TYSND1: variants seen among roughly 807,000 people sequenced by gnomAD.
TYSND1 encodes peroxisomal leader peptide-processing protease.
TYSND1 carries 30 observed loss-of-function variants against 37.2 expected under a neutral mutation model. That is an observed-to-expected ratio of 0.81 (90% CI 0.60 to 1.09). The LOEUF (loss-of-function observed/expected upper bound fraction) is 1.09. Among genes scored for constraint, TYSND1 ranks in the 50% least tolerant of loss-of-function variants. TYSND1 has a pLI of 0.00. For synonymous variants in TYSND1, 364 were observed against 383.8 expected, an observed-to-expected ratio of 0.95 and a Z score of 0.60; for missense variants, 806 against 817.4, an observed-to-expected ratio of 0.99 and a Z score of 0.17.
intron 3 of TYSND1, among the ~76,000 whole-genome samples, chr10:70,141,108 C>T (rs567788769): frequency 1.3e-5 from 2 of 151,768 alleles, no homozygotes; most frequent in Admixed American, 6.6e-5. Flanking sequence ...CCTCAGCCTC[C>T]CTAAAATATT....
chr10:70,145,992 C>A lies in TYSND1; in HGVS notation c.595G>T (p.Glu199Ter). The change falls in exon 1 of 4, where the codon GAG (glutamate) becomes TAG (stop). Residue 199 changes from glutamate (E) to a stop codon, truncating the protein, a stop_gained. Transcript: ENST00000287078. LOFTEE classifies it high-confidence loss of function. ...GVRLGQEEVEEERGPAMAVSP... is the reference protein window; with the variant it reads ...GVRLGQEEVE ...ACCGCCATGGCTGGCCCGCGCTCCT[C>A]CTCCACCTCCTCCTGGCCTAGCCGC... The A allele has an allele frequency of 1.3e-6, 2 of 1,581,416 alleles. No individual in the cohort carries two copies. The highest frequency in any genetic ancestry group is 2.4e-5 in the East Asian group (1 of 42,446).
chr10:70,146,566 A>AGACCCCCACTGCCTTCTCATGGCC lies in TYSND1; in HGVS notation c.-4_20dup (p.Arg3_Arg10dup). On this transcript the variant is annotated inframe_insertion, in exon 1 of 4. Coordinates refer to ENST00000287078, the MANE Select transcript of TYSND1 (RefSeq NM_173555.4). Reference sequence around the variant, plus strand: ...CCGCCTGCTCGGCCGCCCTCATGGCAGACCCCCACTGCCTTCTCATGGCCT... The same window carrying AGACCCCCACTGCCTTCTCATGGCC: ...CCGCCTGCTCGGCCGCCCTCATGGCAGACCCCCACTGCCTTCTCATGGCCGACCCCCACTGCCTTCTCATGGCCT... 6.4e-7 allele frequency: 1 copy of AGACCCCCACTGCCTTCTCATGGCC among 1,571,482 alleles called. No individual in the cohort carries two copies. The highest frequency in any genetic ancestry group is 8.6e-7 in the Non-Finnish European group (1 of 1,167,084).
intron 3 of TYSND1, 82 bp downstream of exon 3, chr10:70,142,586 T>C (rs1313293377): frequency 7.7e-7 from 1 of 1,293,882 alleles, no homozygotes; most frequent in Non-Finnish European, 1.0e-6. Context: ...GAGGGTGCAC[T>C]GGGGCTGGCC....
rs1296791990 is a variant in TYSND1, at chr10:70,145,884, G to GA, written c.702dup (p.Leu235SerfsTer174). 3.2e-5 allele frequency: 49 copies of GA among 1,546,958 alleles called. No homozygotes were observed. The highest frequency in any genetic ancestry group is 4.1e-5 in the Non-Finnish European group (47 of 1,145,662). ...AGCACCCCGCAGCTCAGCGTGTTGA[G>GA]AAAGATGTCGGGGCAGAAGGCGCCG... On this transcript the variant is annotated frameshift_variant, in exon 1 of 4. Transcript: ENST00000287078. LOFTEE classifies it high-confidence loss of function.
At chr10:70,140,227 GC>G in intron 3 of TYSND1, 86 bp from the exon 4 acceptor site, 1 of 1,167,546 alleles carries the variant, frequency 8.6e-7, no homozygotes, top group Non-Finnish European at 1.2e-6. Context: ...CCACCCTGGA[GC>G]CCCCAGGGCC....
At position 70,145,455 on chromosome 10, in the gene TYSND1, C is replaced by T; in HGVS notation, c.1132G>A (p.Ala378Thr). The change falls in exon 1 of 4, where the codon GCA becomes ACA. Residue 378 changes from alanine (A) to threonine (T), a missense_variant. Transcript: ENST00000287078. The part of the protein sequence containing the change: ...VTCRHVSPRE[A>T]ARVLVRSTTP... The stretch of plus-strand genomic sequence containing the variant: ...GTGGAGCGCACCAGGACCCTGGCTG[C>T]TTCCCGAGGGGACACGTGCCGACAG... 1 of 1,472,870 alleles carries T rather than the reference C, an allele frequency of 6.8e-7. No homozygotes were observed. The highest frequency in any genetic ancestry group is 2.7e-5 in the East Asian group (1 of 37,146). The allele number at this position is 1,472,870 out of a possible 1,614,324, so 91.2% of individuals were successfully genotyped here.
Position 70,145,766 on chromosome 10 carries a change from G to T in TYSND1, c.821C>A (p.Ala274Glu). The T allele has an allele frequency of 6.9e-7, 1 of 1,442,600 alleles. No individual in the cohort carries two copies. Among genetic ancestry groups the T allele is most frequent in the Admixed American group, 2.8e-5 (1 of 36,064 alleles). 89.4% of individuals were successfully genotyped at this position (1,442,600 alleles called of 1,614,324 possible). Residue 274 changes from alanine (A) to glutamate (E), a missense_variant, in exon 1 of 4, where the codon GCG (alanine) becomes GAG (glutamate). By Grantham distance (107) the Ala-to-Glu change is moderately radical (BLOSUM62 -1). This residue lies in a region of TYSND1 where 708 missense variants were observed against 705.4 expected (regional missense o/e 1.00). Coordinates refer to ENST00000287078, the MANE Select transcript of TYSND1 (RefSeq NM_173555.4). The part of the protein sequence containing the change: ...GGVFTARPAG[A>E]LVALVVAPLC... ...CGGCGCCACCACCAGCGCCACCAGC[G>T]CCCCCGCGGGCCGCGCGGTGAACAC...
In TYSND1 at chr10:70,139,101, G is replaced by GAAAAAAAAAAAAAAAAAA. The variant is rs35137616; in HGVS notation, c.*805_*822dup. On this transcript the variant is annotated 3_prime_UTR_variant, in exon 4 of 4. Coordinates refer to ENST00000287078, the MANE Select transcript of TYSND1 (RefSeq NM_173555.4). ...GAGAGAGCAAGACCACAGCTCTAAAGAAAAAAAAAAAAAAAAAAGGAAAGG... is the reference window on the plus strand; with the variant it reads ...GAGAGAGCAAGACCACAGCTCTAAAGAAAAAAAAAAAAAAAAAAAAAAAAAAAAAAAAAAAAGGAAAGG... The GAAAAAAAAAAAAAAAAAA allele has an allele frequency of 1.9e-5, 2 of 103,908 alleles. No homozygotes were observed. The highest frequency in any genetic ancestry group is 1.9e-5 in the Non-Finnish European group (1 of 51,358). 6.4% of individuals were successfully genotyped at this position (103,908 alleles called of 1,614,324 possible). A position where few individuals can be genotyped will look rare whatever the true frequency, so the allele number is the denominator to read the frequency against.
intron 1 of TYSND1, chr10:70,144,672 G>C (rs1564563887): frequency 2.0e-6 from 2 of 985,828 alleles, no homozygotes; most frequent in Non-Finnish European, 2.4e-6. Context: ...GGGGCATGTG[G>C]GGGGAGTGGA....
In TYSND1 at chr10:70,142,834, C is replaced by T; in HGVS notation, c.1317G>A (p.Val439=). 1 of 1,613,852 alleles carries T rather than the reference C, an allele frequency of 6.2e-7. No individual in the cohort carries two copies. The change falls in exon 3 of 4, where the codon GTG becomes GTA. Residue 439 remains valine (V), a synonymous_variant. Coordinates refer to ENST00000287078, the MANE Select transcript of TYSND1 (RefSeq NM_173555.4). The stretch of plus-strand genomic sequence containing the variant: ...AAGACTGGCCAAAGACGCCAAAGCC[C>T]ACCACACTCACAGCCTCGCCTGCCA... ...HFHEGEAVSV[V]GFGVFGQSCG...
intron 1 of TYSND1, among the ~76,000 whole-genome samples, chr10:70,145,073 C>A (rs1232017930): frequency 6.6e-6 from 1 of 152,150 alleles, no homozygotes; most frequent in African/African-American, 2.4e-5. Flanking sequence ...AATCTCTGTT[C>A]AAAGGGCCAG....
intron 1 of TYSND1, chr10:70,144,364 G>T: frequency 1.4e-6 from 1 of 716,078 alleles, no homozygotes; most frequent in Non-Finnish European, 1.7e-6. Flanking sequence ...CAAACAAAGT[G>T]GGAGGAGCCA....
At position 70,139,677 on chromosome 10, in the gene TYSND1, G is replaced by T; in HGVS notation, c.*247C>A. On this transcript the variant is annotated 3_prime_UTR_variant, in exon 4 of 4. Transcript: ENST00000287078. ...GAAAAACAATACAGCTGAGTCTAGT[G>T]CTAGGGGACAGAGAACTGGGGGCTC... 2.0e-6 allele frequency: 1 copy of T among 501,660 alleles called. No homozygotes were observed. The highest frequency in any genetic ancestry group is 2.9e-5 in the South Asian group (1 of 33,940). 31.1% of individuals were successfully genotyped at this position (501,660 alleles called of 1,614,324 possible).
rs915967318 is a variant in TYSND1, at chr10:70,146,260, C to T, written c.327G>A (p.Gln109=). ...ERGRPGLCTP[Q]CASLEPGPPA... is the part of the protein sequence containing the mutation. The stretch of plus-strand genomic sequence containing the variant: ...GTGGGCCGGGCTCGAGGCTCGCGCA[C>T]TGGGGCGTGCACAGCCCTGGGCGGC... The change falls in exon 1 of 4, where the codon CAG becomes CAA. Residue 109 remains glutamine, a synonymous_variant. Transcript: ENST00000287078. 6.1e-6 allele frequency: 9 copies of T among 1,479,530 alleles called. No individual in the cohort carries two copies. Among genetic ancestry groups the T allele is most frequent in the African/African-American group, 1.4e-5 (1 of 69,746 alleles). 91.7% of individuals were successfully genotyped at this position (1,479,530 alleles called of 1,614,324 possible).
chr10:70,145,877 G>A lies in TYSND1; in HGVS notation c.710C>T (p.Thr237Met), dbSNP rs1406081900. ...GAFCPDIFLN[T>M]LSCGVLSNVA... ...GTTGCTGAGCACCCCGCAGCTCAGC[G>A]TGTTGAGAAAGATGTCGGGGCAGAA... Residue 237 changes from threonine (T) to methionine (M), a missense_variant, in exon 1 of 4, where the codon ACG becomes ATG. By Grantham distance (81) the Thr-to-Met change is moderately conservative (BLOSUM62 -1). This residue lies in a region of TYSND1 where 708 missense variants were observed against 705.4 expected (regional missense o/e 1.00). Coordinates refer to ENST00000287078, the MANE Select transcript of TYSND1 (RefSeq NM_173555.4). 4.5e-6 allele frequency: 7 copies of A among 1,546,488 alleles called. No individual in the cohort carries two copies. Among genetic ancestry groups the A allele is most frequent in the Non-Finnish European group, 6.1e-6 (7 of 1,145,428 alleles).
At position 70,145,587 on chromosome 10, in the gene TYSND1, G is replaced by C; in HGVS notation, c.1000C>G (p.Leu334Val). Residue 334 changes from leucine (L) to valine (V), a missense_variant, in exon 1 of 4, where the codon CTG (leucine) becomes GTG (valine). Physicochemically the swap from Leu to Val is conservative, Grantham distance 32. Transcript: ENST00000287078. ...LPPEVGVPWG[L>V]PLRDSGPLWA... ...AGGGGCCCGGAGTCTCGGAGGGGCA[G>C]ACCCCACGGGACGCCCACCTCTGGC... is the stretch of plus-strand genomic sequence containing the variant. 5 of 1,456,298 alleles carry C rather than the reference G, an allele frequency of 3.4e-6. No homozygotes were observed. Among genetic ancestry groups the C allele is most frequent in the Non-Finnish European group, 4.5e-6 (5 of 1,108,432 alleles). The allele number at this position is 1,456,298 out of a possible 1,614,324, so 90.2% of individuals were successfully genotyped here. A position where few individuals can be genotyped will look rare whatever the true frequency, so the allele number is the denominator to read the frequency against.
Position 70,145,871 on chromosome 10 carries a change from C to G in TYSND1, c.716G>C (p.Ser239Thr). Residue 239 changes from serine to threonine, a missense_variant, in exon 1 of 4, where the codon AGC (serine) becomes ACC (threonine). Coordinates refer to ENST00000287078, the MANE Select transcript of TYSND1 (RefSeq NM_173555.4). ...GGCCACGTTGCTGAGCACCCCGCAG[C>G]TCAGCGTGTTGAGAAAGATGTCGGG... ...FCPDIFLNTLSCGVLSNVAGP... is the reference protein window; with the variant it reads ...FCPDIFLNTLTCGVLSNVAGP... The G allele has an allele frequency of 6.5e-7, 1 of 1,546,180 alleles. No homozygotes were observed. Among genetic ancestry groups the G allele is most frequent in the Non-Finnish European group, 8.7e-7 (1 of 1,145,310 alleles).
chr10:70,145,845 C>G lies in TYSND1; in HGVS notation c.742G>C (p.Gly248Arg), dbSNP rs1228230223. ...LSCGVLSNVA[G>R]PLLLTDARCL... ...CGTGCGTCGGTAAGCAGCAGTGGGC[C>G]GGCCACGTTGCTGAGCACCCCGCAG... The change falls in exon 1 of 4, where the codon GGC becomes CGC. Residue 248 changes from glycine to arginine, a missense_variant. This residue lies in a region of TYSND1 where 708 missense variants were observed against 705.4 expected (regional missense o/e 1.00). Coordinates refer to ENST00000287078, the MANE Select transcript of TYSND1 (RefSeq NM_173555.4). 2.6e-6 allele frequency: 4 copies of G among 1,540,160 alleles called. No individual in the cohort carries two copies. The highest frequency in any genetic ancestry group is 3.5e-6 in the Non-Finnish European group (4 of 1,142,874).
rs754493824 is a variant in TYSND1 at position 70,143,875 on chromosome 10, G to T, written c.1264C>A (p.Pro422Thr). The T allele has an allele frequency of 1.9e-6, 3 of 1,614,204 alleles. No individual in the cohort carries two copies. The highest frequency in any genetic ancestry group is 3.3e-5 in the Admixed American group (2 of 60,026). ...AAGTGCTCAGCGGGCACAGGGATGGGGACATCATCCAGGTCCTCCTCCAGG... is the reference window on the plus strand; with the variant it reads ...AAGTGCTCAGCGGGCACAGGGATGGTGACATCATCCAGGTCCTCCTCCAGG... ...VSLEEDLDDV[P>T]IPVPAEHFHE... The change falls in exon 2 of 4, where the codon CCC becomes ACC. Residue 422 changes from proline to threonine, a missense_variant. Around this residue, in one of 3 missense-constraint regions of TYSND1, gnomAD observed 708 missense variants for 705.4 expected, o/e 1.00. Transcript: ENST00000287078.
Sources: gnomAD v4.1 joint callset for allele counts (sites outside exome capture counted in the v4.1 genomes callset) on GRCh38, gnomAD v4.1.1 for gene constraint, gnomAD v4.1.1 regional missense constraint, MANE v1.5 for transcripts, NCBI Gene and HGNC (gene_info 2026-07-23, HGNC 2026-07-21) for gene names.